The following GALNTL6 variants were observed in gnomAD, a reference collection of about 807,000 sequenced individuals.
GALNTL6 encodes the protein polypeptide N-acetylgalactosaminyltransferase like 6.
In GALNTL6, 46 loss-of-function variants were observed where a neutral mutation model predicts 73.7. That is an observed-to-expected ratio of 0.62 (90% confidence interval 0.49 to 0.80). The LOEUF is 0.80. GALNTL6 is among the 30% of genes least tolerant of loss of function. GALNTL6 has a pLI of 0.00. For synonymous variants in GALNTL6, 259 were observed against 263.7 expected, an observed-to-expected ratio of 0.98 and a Z score of 0.17; for missense variants, 604 against 755.0, an observed-to-expected ratio of 0.80 and a Z score of 2.34.
intron 3 of GALNTL6, among the ~76,000 whole-genome samples, chr4:172,250,467 A>G (rs919160984): frequency 6.6e-6 from 1 of 152,152 alleles, no homozygotes; most frequent in African/African-American, 2.4e-5. Flanking sequence ...GGTTGGGGCC[A>G]GGAGCATAAT....
intron 2 of GALNTL6, among the ~76,000 whole-genome samples, chr4:172,081,768 C>G (rs1731886858): frequency 6.6e-6 from 1 of 152,140 alleles, no homozygotes; most frequent in Non-Finnish European, 1.5e-5. Context: ...AACAGCCATA[C>G]TACAGGAACC....
chr4:172,546,807 C>CGTATATATAT (rs1413344917), intron 5 of GALNTL6, among the ~76,000 whole-genome samples: 313 of 13,268 alleles, frequency 0.024, 12 homozygotes, highest in Middle Eastern at 0.059. Context: ...CGTATATATA[C>CGTATATATAT]GTATATATAT....
intron 2 of GALNTL6, among the ~76,000 whole-genome samples, chr4:172,047,948 A>C (rs970326953): frequency 5.9e-5 from 9 of 152,138 alleles, no homozygotes; most frequent in Non-Finnish European, 1.3e-4. Context: ...ACCAATTTAT[A>C]TTTTCTAGTA....
chr4:172,921,965 C>A (rs909594511), intron 8 of GALNTL6, among the ~76,000 whole-genome samples: 5 of 152,042 alleles, frequency 3.3e-5, no homozygotes, highest in Non-Finnish European at 7.4e-5. Context: ...GTGTCCCCAC[C>A]CAAATCTCAA....
At chr4:171,971,130 A>G (rs1739556995) in intron 2 of GALNTL6, among the ~76,000 whole-genome samples, 1 of 152,210 alleles carries the variant, frequency 6.6e-6, no homozygotes, top group African/African-American at 2.4e-5. Context: ...AGGAGCTTGA[A>G]TTGTACACAG....
intron 2 of GALNTL6, among the ~76,000 whole-genome samples, chr4:171,822,065 G>C (rs1734700521): frequency 6.6e-6 from 1 of 151,966 alleles, no homozygotes; most frequent in African/African-American, 2.4e-5. Flanking sequence ...TAAAAATAAA[G>C]TCCATGAGTC....
intron 5 of GALNTL6, among the ~76,000 whole-genome samples, chr4:172,678,833 C>A (rs1250163115): frequency 6.6e-6 from 1 of 152,126 alleles, no homozygotes; most frequent in African/African-American, 2.4e-5. Flanking sequence ...TATATTCTCC[C>A]ACCAATGTTG....
At chr4:172,521,497 C>T (rs147202960) in intron 5 of GALNTL6, among the ~76,000 whole-genome samples, 16 of 152,216 alleles carry the variant, frequency 1.1e-4, no homozygotes, top group African/African-American at 3.4e-4. Context: ...CTGCCAATTA[C>T]GAAGCATGAG....
intron 5 of GALNTL6, among the ~76,000 whole-genome samples, chr4:172,441,100 AG>A (rs1277152800): frequency 1.1e-4 from 16 of 152,054 alleles, no homozygotes; most frequent in African/African-American, 3.9e-4. Context: ...TTTTTATATA[AG>A]GTATGATGTT....
chr4:171,973,600 A>C (rs377701953), intron 2 of GALNTL6, among the ~76,000 whole-genome samples: 1 of 152,142 alleles, frequency 6.6e-6, no homozygotes, highest in African/African-American at 2.4e-5. Flanking sequence ...AACTCATCTT[A>C]ACCTGACTGT....
intron 5 of GALNTL6, among the ~76,000 whole-genome samples, chr4:172,718,258 T>C (rs1579387645): frequency 6.6e-6 from 1 of 152,178 alleles, no homozygotes; most frequent in Non-Finnish European, 1.5e-5. Flanking sequence ...TAAATATACA[T>C]TTCCTGATTT....
At chr4:172,571,220 ATTG>A (rs1382819731) in intron 5 of GALNTL6, among the ~76,000 whole-genome samples, 7 of 152,218 alleles carry the variant, frequency 4.6e-5, no homozygotes, top group Non-Finnish European at 1.0e-4. Context: ...GGAAAACCTT[ATTG>A]TTCGGAAGCA....
Position 172,045,270 on chromosome 4 carries a change from A to G in GALNTL6, c.139-184386A>G, listed in dbSNP as rs141012539. On this transcript the variant is annotated intron_variant, in intron 2 of 12. Coordinates refer to ENST00000506823, the MANE Select transcript of GALNTL6 (RefSeq NM_001034845.3). ...TATAAGGCCAGCTTTGGCTTTGTAC[A>G]GTGGAGCAGGTGGGTCTGAATTCTA... Among the ~76,000 whole-genome samples, 156 of 152,184 alleles carry G rather than the reference A, an allele frequency of 1.0e-3. 1 individual carries two copies. The highest frequency in any genetic ancestry group is 3.6e-3 in the African/African-American group (151 of 41,578).
chr4:172,724,571 C>G (rs12108422), intron 5 of GALNTL6, among the ~76,000 whole-genome samples: 6,956 of 152,216 alleles, frequency 0.046, 293 homozygotes, highest in African/African-American at 0.11. Context: ...CCAAGTGTCT[C>G]CCACCTCTGC....
chr4:171,963,152 T>C (rs375044094), intron 2 of GALNTL6, among the ~76,000 whole-genome samples: 6 of 151,914 alleles, frequency 3.9e-5, no homozygotes, highest in South Asian at 2.1e-4. Context: ...CTCTAATTTA[T>C]AGGATCATAG....
chr4:172,749,690 C>G (rs965667193), intron 5 of GALNTL6, among the ~76,000 whole-genome samples: 1 of 151,596 alleles, frequency 6.6e-6, no homozygotes. Context: ...TTATTAAGGT[C>G]TAGGGTGATA....
At chr4:172,058,777 C>T (rs74867111) in intron 2 of GALNTL6, among the ~76,000 whole-genome samples, 1,893 of 152,184 alleles carry the variant, frequency 0.012, 41 homozygotes, top group African/African-American at 0.043. Flanking sequence ...TCTTACTTCC[C>T]TCTTTCTTCT....
At chr4:171,877,541 G>A (rs1413045401) in intron 2 of GALNTL6, among the ~76,000 whole-genome samples, 1 of 151,940 alleles carries the variant, frequency 6.6e-6, no homozygotes, top group African/African-American at 2.4e-5. Context: ...TCAGCATTGT[G>A]GTACAGTTAA....
At chr4:172,307,118 A>G (rs917258394) in intron 3 of GALNTL6, among the ~76,000 whole-genome samples, 2 of 152,168 alleles carry the variant, frequency 1.3e-5, no homozygotes, top group Non-Finnish European at 2.9e-5. Flanking sequence ...ATGCACACCA[A>G]CATCCACTAT....
Sources: allele counts gnomAD v4.1 joint callset (sites outside exome capture counted in the v4.1 genomes callset), GRCh38; gene constraint gnomAD v4.1.1; transcripts MANE v1.5; gene names NCBI Gene and HGNC (gene_info 2026-07-23, HGNC 2026-07-21).